Variants in MAP4K4 observed in about 807,000 individuals in gnomAD.
The protein encoded by MAP4K4 is HPK/GCK-like kinase HGK.
MAP4K4 carries 38 observed loss-of-function variants against 189.6 expected under a neutral mutation model. The observed-to-expected ratio is 0.20, with a 90% confidence interval of 0.15 to 0.26. The LOEUF (loss-of-function observed/expected upper bound fraction) is 0.26, where lower values mean the gene tolerates loss of function less well. Ranked by LOEUF, MAP4K4 falls within the 10% of genes least tolerant of loss-of-function variation. The pLI is 1.00. For missense variants in MAP4K4, 1,054 were observed against 1,726.9 expected (o/e 0.61, Z 6.91); for synonymous variants, 610 against 624.3 (o/e 0.98, Z 0.34).
chr2:101,725,222 T>A (rs1344516519), intron 2 of MAP4K4, among the ~76,000 whole-genome samples: 1 of 152,156 alleles, frequency 6.6e-6, no homozygotes. Flanking sequence ...TAGAATTTGC[T>A]TCAGAATAGC....
intron 2 of MAP4K4, among the ~76,000 whole-genome samples, chr2:101,727,868 T>C (rs1246713565): frequency 6.6e-6 from 1 of 151,826 alleles, no homozygotes; most frequent in Non-Finnish European, 1.5e-5. Context: ...ACTCGGGAGG[T>C]TGAGGCAGGA....
At chr2:101,877,961 G>A (rs1199022151) in intron 27 of MAP4K4, among the ~76,000 whole-genome samples, 1 of 152,144 alleles carries the variant, frequency 6.6e-6, no homozygotes, top group African/African-American at 2.4e-5. Context: ...ATGTTAGCCA[G>A]GATGGTCTTG....
chr2:101,797,520 A>G (rs2093840293), intron 3 of MAP4K4: 1 of 629,054 alleles, frequency 1.6e-6, no homozygotes, highest in African/African-American at 1.9e-5. Flanking sequence ...TGGGATGCTA[A>G]ATTTCCTCGT....
intron 2 of MAP4K4, among the ~76,000 whole-genome samples, chr2:101,753,437 C>T (rs1197009135): frequency 6.6e-6 from 1 of 152,238 alleles, no homozygotes; most frequent in East Asian, 1.9e-4. Flanking sequence ...TGCTTGCAGG[C>T]AAGAGGCTGT....
intron 2 of MAP4K4, among the ~76,000 whole-genome samples, chr2:101,785,707 T>TTTTCCTTTTTTGAGTTGGAGTCTTG (rs1558914120): frequency 6.4e-3 from 43 of 6,686 alleles, no homozygotes; most frequent in Middle Eastern, 0.05. Flanking sequence ...TCTCTCTCTC[T>TTTTCCTTTTTTGAGTTGGAGTCTTG]CTCTCTCTCT....
intron 2 of MAP4K4, among the ~76,000 whole-genome samples, chr2:101,737,833 C>G (rs1356966933): frequency 6.6e-6 from 1 of 152,144 alleles, no homozygotes; most frequent in Non-Finnish European, 1.5e-5. Flanking sequence ...CTCTTTCTCC[C>G]TCACTTAGGC....
intron 2 of MAP4K4, among the ~76,000 whole-genome samples, chr2:101,747,191 T>C (rs1030940081): frequency 6.6e-6 from 1 of 152,148 alleles, no homozygotes; most frequent in Non-Finnish European, 1.5e-5. Flanking sequence ...CGATTTTGGC[T>C]CAGCGCAACC....
At chr2:101,755,843 G>A (rs113997165) in intron 2 of MAP4K4, among the ~76,000 whole-genome samples, 1,620 of 150,472 alleles carry the variant, frequency 0.011, 37 homozygotes, top group African/African-American at 0.037. Flanking sequence ...ACTAGGTGAC[G>A]TTAGTAGGTG....
At chr2:101,741,074 C>T (rs2062541202) in intron 2 of MAP4K4, among the ~76,000 whole-genome samples, 1 of 151,884 alleles carries the variant, frequency 6.6e-6, no homozygotes. Flanking sequence ...AACTTTGATG[C>T]TTGAGGACTC....
At chr2:101,864,143 G>A (rs939322173) in intron 17 of MAP4K4, 92 bp downstream of exon 17, 2 of 651,464 alleles carry the variant, frequency 3.1e-6, no homozygotes, top group African/African-American at 1.9e-5. Flanking sequence ...TATGCAACTT[G>A]ACCAAATTTA....
At chr2:101,720,728 C>T (rs2051395646) in intron 2 of MAP4K4, among the ~76,000 whole-genome samples, 1 of 152,126 alleles carries the variant, frequency 6.6e-6, no homozygotes, top group Non-Finnish European at 1.5e-5. Context: ...TTAGATTGTG[C>T]TTTCTGAAAA....
chr2:101,702,067 G>A (rs1027972564), intron 2 of MAP4K4, among the ~76,000 whole-genome samples: 17 of 152,052 alleles, frequency 1.1e-4, no homozygotes, highest in Non-Finnish European at 4.4e-5. Context: ...CACCATGTTG[G>A]CTAGGCTGGT....
At chr2:101,769,840 C>CTAGAGT (rs2080463749) in intron 2 of MAP4K4, among the ~76,000 whole-genome samples, 1 of 152,102 alleles carries the variant, frequency 6.6e-6, no homozygotes, top group South Asian at 2.1e-4. Flanking sequence ...CCTTGGCCTC[C>CTAGAGT]TAGAGTGCTG....
intron 2 of MAP4K4, among the ~76,000 whole-genome samples, chr2:101,741,715 G>A (rs750194082): frequency 2.0e-5 from 3 of 152,186 alleles, no homozygotes; most frequent in South Asian, 2.1e-4. Context: ...CTTTGAGGAC[G>A]ACTGGTTTAG....
chr2:101,757,584 CG>C (rs1286177315), intron 2 of MAP4K4, among the ~76,000 whole-genome samples: 3 of 152,160 alleles, frequency 2.0e-5, no homozygotes, highest in Non-Finnish European at 2.9e-5. Context: ...CCCTTATCCA[CG>C]GGGGATACAT....
chr2:101,769,789 C>T (rs2080424790), intron 2 of MAP4K4, among the ~76,000 whole-genome samples: 1 of 152,014 alleles, frequency 6.6e-6, no homozygotes, highest in Non-Finnish European at 1.5e-5. Flanking sequence ...ACCATGTTGG[C>T]CAGGCTGGTC....
intron 3 of MAP4K4, among the ~76,000 whole-genome samples, chr2:101,799,711 C>T (rs2094183101): frequency 6.6e-6 from 1 of 152,116 alleles, no homozygotes; most frequent in African/African-American, 2.4e-5. Context: ...AAGTGATCCT[C>T]CTACCTCAGC....
At chr2:101,826,982 C>G (rs1196660713) in intron 5 of MAP4K4, among the ~76,000 whole-genome samples, 1 of 152,086 alleles carries the variant, frequency 6.6e-6, no homozygotes, top group African/African-American at 2.4e-5. Flanking sequence ...ATATCTCAAG[C>G]AGAGAACTAG....
chr2:101,737,162 C>G (rs2060569542), intron 2 of MAP4K4, among the ~76,000 whole-genome samples: 1 of 151,806 alleles, frequency 6.6e-6, no homozygotes, highest in Non-Finnish European at 1.5e-5. Flanking sequence ...ACACTTAGTG[C>G]TTTTTAAAAT....
Sources: allele counts gnomAD v4.1 joint callset (sites outside exome capture counted in the v4.1 genomes callset), GRCh38; gene constraint gnomAD v4.1.1; transcripts MANE v1.5; gene names NCBI Gene and HGNC (gene_info 2026-07-23, HGNC 2026-07-21).